Variants in PDZD8 observed in about 807,000 individuals in gnomAD.
PDZD8 encodes PDZ domain-containing protein 8.
PDZD8 carries 14 observed loss-of-function variants against 85.8 expected under a neutral mutation model. That is an observed-to-expected ratio of 0.16 (90% CI 0.11 to 0.26). The LOEUF (loss-of-function observed/expected upper bound fraction) is 0.26. Among genes scored for constraint, PDZD8 ranks in the 10% least tolerant of loss-of-function variants. PDZD8 has a pLI of 1.00. For synonymous variants in PDZD8, 592 were observed against 568.6 expected (o/e 1.04, Z -0.59); for missense variants, 1,197 against 1,424.3 (o/e 0.84, Z 2.57).
chr10:117,291,977 T>C (rs1844774862), intron 3 of PDZD8, among the ~76,000 whole-genome samples: 1 of 152,152 alleles, frequency 6.6e-6, no homozygotes, highest in South Asian at 2.1e-4. Flanking sequence ...ATTTCTTAAG[T>C]CCTATTCTTC....
At chr10:117,348,857 G>A (rs938877030) in intron 1 of PDZD8, among the ~76,000 whole-genome samples, 1 of 152,100 alleles carries the variant, frequency 6.6e-6, no homozygotes, top group African/African-American at 2.4e-5. Flanking sequence ...TCCCTTAACT[G>A]ACTTGATTAC....
chr10:117,361,003 A>C (rs918910269), intron 1 of PDZD8, among the ~76,000 whole-genome samples: 1 of 152,232 alleles, frequency 6.6e-6, no homozygotes, highest in Admixed American at 6.5e-5. Flanking sequence ...AATTTTAAAC[A>C]TAAGAATATA....
chr10:117,317,963 T>C (rs1482547436), intron 3 of PDZD8, among the ~76,000 whole-genome samples: 1 of 152,204 alleles, frequency 6.6e-6, no homozygotes, highest in Non-Finnish European at 1.5e-5. Context: ...ATTACCCTCT[T>C]TCTTCCAAAA....
chr10:117,337,547 ATAGT>A (rs951910766), intron 2 of PDZD8, among the ~76,000 whole-genome samples: 1 of 152,238 alleles, frequency 6.6e-6, no homozygotes, highest in South Asian at 2.1e-4. Flanking sequence ...AGTATTTCAG[ATAGT>A]TAGGAAAGAA....
At chr10:117,372,630 A>G (rs1845213676) in intron 1 of PDZD8, among the ~76,000 whole-genome samples, 1 of 152,186 alleles carries the variant, frequency 6.6e-6, no homozygotes, top group African/African-American at 2.4e-5. Context: ...ACTAGAACCG[A>G]GTTATAATTT....
chr10:117,330,221 C>G (rs2133828717), intron 2 of PDZD8, among the ~76,000 whole-genome samples: 1 of 152,108 alleles, frequency 6.6e-6, no homozygotes, highest in South Asian at 2.1e-4. Context: ...TCAGAAACAT[C>G]CTCATGCAGA....
At chr10:117,361,952 A>G (rs1447977952) in intron 1 of PDZD8, among the ~76,000 whole-genome samples, 1 of 152,164 alleles carries the variant, frequency 6.6e-6, no homozygotes, top group East Asian at 1.9e-4. Flanking sequence ...ATGCCATTTT[A>G]TATCAGGGAC....
In PDZD8 at chr10:117,290,303, G is replaced by A; in HGVS notation, c.1144C>T (p.Arg382Cys). The change falls in exon 4 of 5, where the codon CGT becomes TGT. Residue 382 changes from arginine (R) to cysteine (C), a missense_variant. By Grantham distance (180) the Arg-to-Cys change is radical. Transcript: ENST00000334464. ...TACCCATCAGTTGACTGGACAAGAC[G>A]AAGTGTAAGTCCAACACTTTGTAAA... The part of the protein sequence containing the change: ...GNLQSVGLTL[R>C]LVQSTDGYAG... 6.2e-7 allele frequency: 1 copy of A among 1,612,598 alleles called. No individual in the cohort carries two copies. The highest frequency in any genetic ancestry group is 8.5e-7 in the Non-Finnish European group (1 of 1,179,128).
At chr10:117,341,936 C>T (rs189543686) in intron 1 of PDZD8, among the ~76,000 whole-genome samples, 1 of 152,222 alleles carries the variant, frequency 6.6e-6, no homozygotes, top group Admixed American at 6.5e-5. Flanking sequence ...ATGCTAAGTG[C>T]TTTTTACATG....
chr10:117,336,333 C>T (rs763489662), intron 2 of PDZD8, among the ~76,000 whole-genome samples: 5 of 152,132 alleles, frequency 3.3e-5, no homozygotes, highest in South Asian at 2.1e-4. Flanking sequence ...TTCTAAATTA[C>T]GTATGTGTAT....
At chr10:117,293,010 C>T (rs2133768631) in intron 3 of PDZD8, among the ~76,000 whole-genome samples, 1 of 152,066 alleles carries the variant, frequency 6.6e-6, no homozygotes, top group African/African-American at 2.4e-5. Flanking sequence ...AAAATCATCA[C>T]CTTAATTAAG....
intron 1 of PDZD8, among the ~76,000 whole-genome samples, chr10:117,370,229 T>C (rs768772569): frequency 1.9e-4 from 29 of 152,348 alleles, no homozygotes; most frequent in Non-Finnish European, 4.0e-4. Context: ...ATAATTCATT[T>C]TGTAAAATAA....
Position 117,284,500 on chromosome 10 carries a change from C to G in PDZD8, c.2233G>C (p.Ala745Pro). The change falls in exon 5 of 5, where the codon GCT becomes CCT. Residue 745 changes from alanine to proline, a missense_variant. This residue lies in a region of PDZD8 where 418 missense variants were observed against 571.1 expected (regional missense o/e 0.73). Coordinates refer to ENST00000334464, the MANE Select transcript of PDZD8 (RefSeq NM_173791.5). ...KLEDVALGCLATSNTEYLSKL... is the reference protein window; with the variant it reads ...KLEDVALGCLPTSNTEYLSKL... ...GAAAGGTATTCCGTGTTTGATGTAG[C>G]TAGGCATCCTAAAGCCACATCTTCA... 1 of 1,614,120 alleles carries G rather than the reference C, an allele frequency of 6.2e-7. No homozygotes were observed. Among genetic ancestry groups the G allele is most frequent in the South Asian group, 1.1e-5 (1 of 91,080 alleles).
chr10:117,297,189 T>C (rs1407855680), intron 3 of PDZD8, among the ~76,000 whole-genome samples: 3 of 152,032 alleles, frequency 2.0e-5, no homozygotes, highest in African/African-American at 4.8e-5. Context: ...AATTAGCCAT[T>C]AGGAAAATAC....
chr10:117,359,189 T>G (rs1294507284), intron 1 of PDZD8, among the ~76,000 whole-genome samples: 1 of 150,908 alleles, frequency 6.6e-6, no homozygotes, highest in Non-Finnish European at 1.5e-5. Flanking sequence ...CCGAGGTAAG[T>G]GGATGGATTG....
Position 117,371,970 on chromosome 10 carries a change from A to T in PDZD8, c.872+2386T>A, listed in dbSNP as rs189134803. On this transcript the variant is annotated intron_variant, in intron 1 of 4. Coordinates refer to ENST00000334464, the MANE Select transcript of PDZD8 (RefSeq NM_173791.5). ...ACAAACAAACGAAAAACACAAAAAA[A>T]TTACTAAGTATAGCTAATTCAATTC... Among the ~76,000 whole-genome samples, 6 of 152,258 alleles carry T rather than the reference A, an allele frequency of 3.9e-5. No individual in the cohort carries two copies. The East Asian group carries it at 9.7e-4, about 25-fold the overall frequency.
intron 1 of PDZD8, among the ~76,000 whole-genome samples, chr10:117,370,475 G>A (rs993003665): frequency 6.6e-6 from 1 of 152,214 alleles, no homozygotes; most frequent in African/African-American, 2.4e-5. Flanking sequence ...GATTACAAAT[G>A]CCAAAGGATC....
chr10:117,307,436 T>C (rs74575570), intron 3 of PDZD8, among the ~76,000 whole-genome samples: 6,076 of 152,080 alleles, frequency 0.04, 137 homozygotes, highest in East Asian at 0.067. Context: ...GACAACACTC[T>C]CAGTATTGAT....
intron 1 of PDZD8, among the ~76,000 whole-genome samples, chr10:117,364,189 TGTGTGTGTGTGTGTGTGTGAGA>T (rs1198585917): frequency 6.6e-6 from 1 of 151,448 alleles, no homozygotes; most frequent in African/African-American, 2.4e-5. Flanking sequence ...TGGGTGTGTG[TGTGTGTGTGTGTGTGTGTGAGA>T]GTGTGTGTGT....
Sources: allele counts gnomAD v4.1 joint callset (sites outside exome capture counted in the v4.1 genomes callset), GRCh38; gene constraint gnomAD v4.1.1; regional missense constraint gnomAD v4.1.1; transcripts MANE v1.5; gene names NCBI Gene and HGNC (gene_info 2026-07-23, HGNC 2026-07-21).